CTDSPL: variants seen among roughly 807,000 people sequenced by gnomAD.
CTDSPL encodes the protein CTD small phosphatase like.
In CTDSPL, 8 loss-of-function variants were observed where a neutral mutation model predicts 30.5. The observed-to-expected ratio is 0.26, with a 90% CI of 0.15 to 0.47. The LOEUF (loss-of-function observed/expected upper bound fraction) is 0.47. Among genes scored for constraint, CTDSPL ranks in the 20% least tolerant of loss-of-function variants. The pLI is 0.99. For synonymous variants in CTDSPL, 110 were observed against 137.9 expected, an observed-to-expected ratio of 0.80 and a Z score of 1.42; for missense variants, 248 against 366.1, an observed-to-expected ratio of 0.68 and a Z score of 2.63.
At chr3:37,911,621 G>A (rs1189914434) in intron 1 of CTDSPL, 3 of 452,830 alleles carry the variant, frequency 6.6e-6, no homozygotes, top group Admixed American at 2.4e-5. Flanking sequence ...AGGGATTTTT[G>A]TTGGAGAAAA....
At chr3:37,869,649 G>C (rs529772305) in intron 1 of CTDSPL, among the ~76,000 whole-genome samples, 13 of 152,086 alleles carry the variant, frequency 8.5e-5, no homozygotes, top group Admixed American at 7.9e-4. Context: ...GCAGTATGTC[G>C]AACAAGAGTA....
intron 1 of CTDSPL, among the ~76,000 whole-genome samples, chr3:37,913,347 A>C (rs1235246378): frequency 6.6e-6 from 1 of 152,186 alleles, no homozygotes; most frequent in Non-Finnish European, 1.5e-5. Flanking sequence ...ACAGTATTTT[A>C]AAACCTAGTT....
chr3:37,868,776 C>T (rs757224051), intron 1 of CTDSPL, among the ~76,000 whole-genome samples: 1 of 151,994 alleles, frequency 6.6e-6, no homozygotes, highest in Non-Finnish European at 1.5e-5. Flanking sequence ...TGTCCATCCC[C>T]CTGCCTATAC....
intron 1 of CTDSPL, among the ~76,000 whole-genome samples, chr3:37,896,860 T>C (rs1301443083): frequency 6.6e-6 from 1 of 152,148 alleles, no homozygotes; most frequent in Non-Finnish European, 1.5e-5. Context: ...ATTCGTGTGA[T>C]ACTTAGAAAT....
At chr3:37,866,833 CAAT>C (rs1417233594) in intron 1 of CTDSPL, among the ~76,000 whole-genome samples, 1 of 152,142 alleles carries the variant, frequency 6.6e-6, no homozygotes, top group African/African-American at 2.4e-5. Flanking sequence ...CTTTTGGAAG[CAAT>C]AATTATTTCA....
intron 1 of CTDSPL, among the ~76,000 whole-genome samples, chr3:37,934,336 A>G (rs7641646): frequency 0.028 from 4,250 of 152,148 alleles, 189 homozygotes; most frequent in African/African-American, 0.096. Context: ...TTAAAAAAAA[A>G]AAAGAAAGAA....
chr3:37,979,365 G>A (rs1699464528), intron 7 of CTDSPL, among the ~76,000 whole-genome samples: 1 of 152,068 alleles, frequency 6.6e-6, no homozygotes, highest in Non-Finnish European at 1.5e-5. Flanking sequence ...CACTTTGGGA[G>A]GCCGAGGTGG....
At chr3:37,906,630 C>T (rs559004005) in intron 1 of CTDSPL, among the ~76,000 whole-genome samples, 7 of 152,304 alleles carry the variant, frequency 4.6e-5, no homozygotes, top group African/African-American at 1.7e-4. Flanking sequence ...GCAGTATGAT[C>T]TCCAGGGCAC....
At chr3:37,974,962 G>T (rs1046840467) in intron 6 of CTDSPL, among the ~76,000 whole-genome samples, 39 of 152,186 alleles carry the variant, frequency 2.6e-4, no homozygotes, top group Admixed American at 9.2e-4. Flanking sequence ...GATGTTTCAG[G>T]CCTGGGCCCT....
intron 1 of CTDSPL, among the ~76,000 whole-genome samples, chr3:37,928,799 C>T (rs1698816189): frequency 6.6e-6 from 1 of 152,122 alleles, no homozygotes; most frequent in African/African-American, 2.4e-5. Context: ...TGCCACTTGT[C>T]TATTTTTGCC....
chr3:37,897,000 C>T (rs1312954334), intron 1 of CTDSPL, among the ~76,000 whole-genome samples: 1 of 152,184 alleles, frequency 6.6e-6, no homozygotes, highest in Admixed American at 6.5e-5. Context: ...AGACTAGAGG[C>T]TCTCCACAGT....
chr3:37,900,830 G>A (rs959855253), intron 1 of CTDSPL, among the ~76,000 whole-genome samples: 12 of 151,886 alleles, frequency 7.9e-5, no homozygotes, highest in African/African-American at 2.2e-4. Flanking sequence ...ACGAAGTCTC[G>A]CTCTGTTGCC....
At chr3:37,964,537 A>G (rs377485791) in intron 3 of CTDSPL, 34 bp from the exon 4 acceptor site, 5 of 1,462,192 alleles carry the variant, frequency 3.4e-6, no homozygotes, top group South Asian at 2.3e-5. Flanking sequence ...TGTCTTTTAC[A>G]TAAATGTAAT....
At chr3:37,892,478 T>C (rs1295956695) in intron 1 of CTDSPL, among the ~76,000 whole-genome samples, 3 of 152,208 alleles carry the variant, frequency 2.0e-5, no homozygotes, top group Admixed American at 2.0e-4. Flanking sequence ...ATCATCACCA[T>C]TAAAATGGCA....
intron 1 of CTDSPL, among the ~76,000 whole-genome samples, chr3:37,886,555 G>A (rs1325881951): frequency 1.3e-5 from 2 of 152,168 alleles, no homozygotes; most frequent in Non-Finnish European, 2.9e-5. Flanking sequence ...AGGATGTAGA[G>A]CTGAGTTGAA....
At chr3:37,921,625 A>ACACACACACACACACACT (rs1698716973) in intron 1 of CTDSPL, among the ~76,000 whole-genome samples, 1 of 151,784 alleles carries the variant, frequency 6.6e-6, no homozygotes, top group Non-Finnish European at 1.5e-5. Context: ...ACACACACAC[A>ACACACACACACACACACT]CACACACACA....
chr3:37,938,367 T>A (rs1254680550), intron 1 of CTDSPL, among the ~76,000 whole-genome samples: 1 of 150,280 alleles, frequency 6.7e-6, no homozygotes, highest in Non-Finnish European at 1.5e-5. Flanking sequence ...GAAAGAATTA[T>A]AAAAAGTCAC....
chr3:37,889,685 A>C (rs1698302790), intron 1 of CTDSPL, among the ~76,000 whole-genome samples: 1 of 152,220 alleles, frequency 6.6e-6, no homozygotes, highest in Non-Finnish European at 1.5e-5. Context: ...AATGGAAAAA[A>C]TTAGCCACAC....
chr3:37,885,079 G>A (rs1203893362), intron 1 of CTDSPL, among the ~76,000 whole-genome samples: 6 of 152,162 alleles, frequency 3.9e-5, no homozygotes, highest in Non-Finnish European at 8.8e-5. Flanking sequence ...GAGCTTCAGA[G>A]GATGAGAGAA....
Sources: gnomAD v4.1 joint callset for allele counts (sites outside exome capture counted in the v4.1 genomes callset) on GRCh38, gnomAD v4.1.1 for gene constraint, MANE v1.5 for transcripts, NCBI Gene and HGNC (gene_info 2026-07-23, HGNC 2026-07-21) for gene names.